Variants in PTPRD observed in about 807,000 individuals in gnomAD.
PTPRD encodes the protein receptor-type tyrosine-protein phosphatase delta.
In PTPRD, 34 loss-of-function variants were observed where a neutral mutation model predicts 214.5. That is an observed-to-expected ratio of 0.16 (90% CI 0.12 to 0.21). The LOEUF is 0.21. Ranked by LOEUF, PTPRD falls within the 10% of genes least tolerant of loss-of-function variation. The pLI is 1.00. For synonymous variants in PTPRD, 1,128 were observed against 845.7 expected (o/e 1.33, Z -5.79); for missense variants, 2,545 against 2,398.7 (o/e 1.06, Z -1.27).
chr9:8,931,556 A>G (rs1437916774), intron 11 of PTPRD, among the ~76,000 whole-genome samples: 4 of 152,168 alleles, frequency 2.6e-5, no homozygotes, highest in Non-Finnish European at 4.4e-5. Flanking sequence ...CTTGGGCAGT[A>G]TGGCCCTTTT....
intron 5 of PTPRD, among the ~76,000 whole-genome samples, chr9:9,846,412 C>G (rs1020701256): frequency 1.3e-5 from 2 of 152,126 alleles, no homozygotes; most frequent in African/African-American, 4.8e-5. Flanking sequence ...TAGCTACACT[C>G]TCGAGACTTT....
At chr9:8,475,575 C>A (rs905508746) in intron 30 of PTPRD, among the ~76,000 whole-genome samples, 4 of 152,114 alleles carry the variant, frequency 2.6e-5, no homozygotes, top group African/African-American at 9.7e-5. Flanking sequence ...ACTGGTTTAT[C>A]TGACTTTAAG....
intron 5 of PTPRD, among the ~76,000 whole-genome samples, chr9:9,922,098 C>G (rs574362739): frequency 3.5e-4 from 54 of 152,180 alleles, no homozygotes; most frequent in African/African-American, 1.3e-3. Context: ...GTGGAGCCCC[C>G]ACAAGAAGTT....
At chr9:8,382,418 G>T (rs73416471) in intron 37 of PTPRD, among the ~76,000 whole-genome samples, 2 of 152,184 alleles carry the variant, frequency 1.3e-5, no homozygotes, top group African/African-American at 4.8e-5. Context: ...GAGCAAAGTT[G>T]CATCTCCTCC....
chr9:9,008,918 A>C (rs532314707), intron 11 of PTPRD, among the ~76,000 whole-genome samples: 25 of 152,182 alleles, frequency 1.6e-4, no homozygotes, highest in Non-Finnish European at 3.4e-4. Context: ...TAAATTTTAT[A>C]TCATTGAGCT....
At chr9:9,826,250 T>C (rs2052786202) in intron 5 of PTPRD, among the ~76,000 whole-genome samples, 1 of 151,902 alleles carries the variant, frequency 6.6e-6, no homozygotes, top group Non-Finnish European at 1.5e-5. Context: ...TGCTCTTATC[T>C]TCTTTCTAGT....
chr9:8,767,692 T>G (rs73423093), intron 11 of PTPRD, among the ~76,000 whole-genome samples: 6,754 of 152,136 alleles, frequency 0.044, 376 homozygotes, highest in African/African-American at 0.13. Context: ...AGTTAAAAAT[T>G]TTGTGTTTGT....
At chr9:10,362,683 C>T (rs2097419819) in intron 2 of PTPRD, among the ~76,000 whole-genome samples, 2 of 152,186 alleles carry the variant, frequency 1.3e-5, no homozygotes, top group South Asian at 4.1e-4. Flanking sequence ...AGATCGAGAC[C>T]AGCCTGGCCA....
At chr9:9,734,837 T>TA (rs2098264762) in intron 6 of PTPRD, among the ~76,000 whole-genome samples, 1 of 152,136 alleles carries the variant, frequency 6.6e-6, no homozygotes, top group South Asian at 2.1e-4. Flanking sequence ...TAGGTGACGA[T>TA]AATTATTTGG....
At chr9:9,321,727 T>C (rs1966664698) in intron 9 of PTPRD, among the ~76,000 whole-genome samples, 1 of 152,160 alleles carries the variant, frequency 6.6e-6, no homozygotes, top group African/African-American at 2.4e-5. Flanking sequence ...TTAGCAAAGT[T>C]ATTTATTTTC....
At chr9:9,877,637 C>T (rs1015486023) in intron 5 of PTPRD, among the ~76,000 whole-genome samples, 1 of 152,012 alleles carries the variant, frequency 6.6e-6, no homozygotes, top group Non-Finnish European at 1.5e-5. Flanking sequence ...CATTCTAGAT[C>T]ACCAAGATAG....
At chr9:8,982,584 G>A (rs1362304201) in intron 11 of PTPRD, among the ~76,000 whole-genome samples, 1 of 148,374 alleles carries the variant, frequency 6.7e-6, no homozygotes, top group Non-Finnish European at 1.5e-5. Flanking sequence ...AAAGGGAAAG[G>A]ACAGAAAAAA....
chr9:9,880,058 A>G (rs549238934), intron 5 of PTPRD, among the ~76,000 whole-genome samples: 58 of 152,246 alleles, frequency 3.8e-4, no homozygotes, highest in Non-Finnish European at 5.9e-4. Context: ...GGGGACCTAT[A>G]TCCCCAAGTG....
intron 27 of PTPRD, among the ~76,000 whole-genome samples, chr9:8,489,993 T>C (rs1004243268): frequency 2.0e-5 from 3 of 152,284 alleles, no homozygotes; most frequent in Admixed American, 6.5e-5. Flanking sequence ...GTGGAATAGA[T>C]TGTGCAATCT....
intron 39 of PTPRD, among the ~76,000 whole-genome samples, chr9:8,349,281 T>C (rs576956947): frequency 2.6e-5 from 4 of 152,320 alleles, no homozygotes; most frequent in Admixed American, 1.3e-4. Context: ...AGAAATTGAA[T>C]GTTGAAAATT....
chr9:8,526,606 A>G, intron 17 of PTPRD, 21 bp downstream of exon 17: 1 of 1,564,792 alleles, frequency 6.4e-7, no homozygotes. Context: ...CATTCTGTGA[A>G]CGTTAGTTCA....
At chr9:9,517,584 T>C in intron 8 of PTPRD, among the ~76,000 whole-genome samples, 1 of 152,072 alleles carries the variant, frequency 6.6e-6, no homozygotes, top group Non-Finnish European at 1.5e-5. Flanking sequence ...CTTAGAGTAT[T>C]AGAAACACTG....
Position 8,331,082 on chromosome 9 carries a change from C to CATTTT in PTPRD, c.5534+495_5534+499dup, listed in dbSNP as rs1840185308. 1.4e-5 allele frequency among the ~76,000 whole-genome samples: 2 copies of CATTTT among 144,538 alleles called. 1 individual carries two copies. Among genetic ancestry groups the CATTTT allele is most frequent in the South Asian group, 4.2e-4 (2 of 4,728 alleles). 94.8% of individuals were successfully genotyped at this position (144,538 alleles called of 152,430 possible). ...GAAAATAATTAACTTGAAGGTGCTT[C>CATTTT]ATTTTCTGATATAGCAACAATTTTC... On this transcript the variant is annotated intron_variant, in intron 44 of 45. Coordinates refer to ENST00000381196, the MANE Select transcript of PTPRD (RefSeq NM_002839.4).
chr9:9,882,127 T>A (rs10119955), intron 5 of PTPRD, among the ~76,000 whole-genome samples: 6,204 of 152,224 alleles, frequency 0.041, 222 homozygotes, highest in African/African-American at 0.098. Flanking sequence ...CTCACACAAC[T>A]TTAATATTTA....
Sources: gnomAD v4.1 joint callset for allele counts (sites outside exome capture counted in the v4.1 genomes callset) on GRCh38, gnomAD v4.1.1 for gene constraint, MANE v1.5 for transcripts, NCBI Gene and HGNC (gene_info 2026-07-23, HGNC 2026-07-21) for gene names.